Variants in ELK4 observed in about 807,000 individuals in gnomAD.
The protein encoded by ELK4 is ETS transcription factor ELK4, also known as ETS domain-containing protein Elk-4.
A neutral mutation model predicts 29.6 loss-of-function variants in ELK4; 16 were observed. That is an observed-to-expected ratio of 0.54 (90% CI 0.37 to 0.82). ELK4 has a LOEUF of 0.82. Among genes scored for constraint, ELK4 ranks in the 40% least tolerant of loss-of-function variants. The pLI, the probability that ELK4 is intolerant of heterozygous loss-of-function variation, is 0.00. For missense variants in ELK4, 465 were observed against 507.1 expected, an observed-to-expected ratio of 0.92 and a Z score of 0.80; for synonymous variants, 213 against 191.1, an observed-to-expected ratio of 1.11 and a Z score of -0.95.
rs1670190105 is a variant in ELK4 at position 205,613,811 on chromosome 1, C to G, written c.*2735G>C. On this transcript the variant is annotated 3_prime_UTR_variant, in exon 5 of 5. Transcript: ENST00000357992. ...ATCTGCTCCCCTTCCGTAACTTAGG[C>G]TACTGCTGCCCAACAGCATTCATCC... 1 of 210,646 alleles carries G rather than the reference C, an allele frequency of 4.7e-6. No homozygotes were observed. The highest frequency in any genetic ancestry group is 1.9e-4 in the South Asian group (1 of 5,314). 13.0% of individuals were successfully genotyped at this position (210,646 alleles called of 1,614,324 possible).
chr1:205,608,804 T>C lies in ELK4; in HGVS notation c.*7742A>G, dbSNP rs1277721820. 5.1e-6 allele frequency: 1 copy of C among 196,114 alleles called. No homozygotes were observed. Among genetic ancestry groups the C allele is most frequent in the East Asian group, 8.0e-5 (1 of 12,524 alleles). The allele number at this position is 196,114 out of a possible 1,614,324, so 12.1% of individuals were successfully genotyped here. The stretch of plus-strand genomic sequence containing the variant: ...AATAAGCAATGAAGTAACTGTCTTC[T>C]CAGTTGAGCTGACAGGTTTGAAGAA... On this transcript the variant is annotated 3_prime_UTR_variant, in exon 5 of 5. Coordinates refer to ENST00000357992, the MANE Select transcript of ELK4 (RefSeq NM_001973.4).
intron 1 of ELK4, chr1:205,625,672 G>C: frequency 1.2e-6 from 1 of 843,790 alleles, no homozygotes; most frequent in East Asian, 2.4e-5. Context: ...TTCTGCTGCT[G>C]CTGCTTCTTT....
chr1:205,620,754 C>G lies in ELK4; in HGVS notation c.292G>C (p.Val98Leu). ...TCACAGTCACCCTCAATCCTGCCCA[C>G]TGTCATTGGATCCATGTTCAAAATC... ...PEILNMDPMT[V>L]GRIEGDCESL... Residue 98 changes from valine to leucine, a missense_variant, in exon 3 of 5, where the codon GTG (valine) becomes CTG (leucine). This residue lies in a region of ELK4 where 385 missense variants were observed against 387.5 expected (regional missense o/e 0.99). Coordinates refer to ENST00000357992, the MANE Select transcript of ELK4 (RefSeq NM_001973.4). 1 of 1,614,068 alleles carries G rather than the reference C, an allele frequency of 6.2e-7. No homozygotes were observed. Among genetic ancestry groups the G allele is most frequent in the Non-Finnish European group, 8.5e-7 (1 of 1,180,024 alleles).
At chr1:205,625,681 T>TC (rs1313236450) in intron 1 of ELK4, 3 of 371,948 alleles carry the variant, frequency 8.1e-6, no homozygotes, top group African/African-American at 4.5e-5. Flanking sequence ...TGCTGCTTCT[T>TC]TTTTTTTTTT....
Position 205,631,776 on chromosome 1 carries a change from G to T in ELK4, c.-154C>A, listed in dbSNP as rs1397148158. 1 of 220,204 alleles carries T rather than the reference G, an allele frequency of 4.5e-6. No individual in the cohort carries two copies. The highest frequency in any genetic ancestry group is 4.8e-5 in the Admixed American group (1 of 20,960). The allele number at this position is 220,204 out of a possible 1,614,324, so 13.6% of individuals were successfully genotyped here. A position where few individuals can be genotyped will look rare whatever the true frequency, so the allele number is the denominator to read the frequency against. ...CGGCGGAGCCGTAGAAGGCGGCGGC[G>T]GCCAAGCCGAGCCCGCCGGGTGCCC... On this transcript the variant is annotated 5_prime_UTR_variant, in exon 1 of 5. Coordinates refer to ENST00000357992, the MANE Select transcript of ELK4 (RefSeq NM_001973.4).
At chr1:205,629,622 C>T (rs903349299) in intron 1 of ELK4, among the ~76,000 whole-genome samples, 1 of 151,912 alleles carries the variant, frequency 6.6e-6, no homozygotes, top group African/African-American at 2.4e-5. Context: ...GAGGCTGAGG[C>T]AGAAGAATCA....
intron 4 of ELK4, among the ~76,000 whole-genome samples, chr1:205,618,462 T>G (rs1246888391): frequency 6.6e-6 from 1 of 152,200 alleles, no homozygotes; most frequent in East Asian, 1.9e-4. Context: ...AATGAAACTT[T>G]GCTATATTTA....
In ELK4 at chr1:205,616,652, A is replaced by T; in HGVS notation, c.1198-8T>A. 6.2e-7 allele frequency: 1 copy of T among 1,610,120 alleles called. No individual in the cohort carries two copies. ...GTTCAGTACAGAAGGAAACTGAGAA[A>T]GAAAACAAAACACATTATCATCCTA... On this transcript the variant is annotated splice_polypyrimidine_tract_variant and splice_region_variant and intron_variant, in intron 4 of 4. Transcript: ENST00000357992.
At chr1:205,624,613 T>C (rs2102382735) in intron 1 of ELK4, among the ~76,000 whole-genome samples, 1 of 152,230 alleles carries the variant, frequency 6.6e-6, no homozygotes, top group Admixed American at 6.5e-5. Flanking sequence ...TGAAGAAAAA[T>C]ATTTTAATAT....
At position 205,613,661 on chromosome 1, in the gene ELK4, G is replaced by A. The variant is rs971892403; in HGVS notation, c.*2885C>T. On this transcript the variant is annotated 3_prime_UTR_variant, in exon 5 of 5. Transcript: ENST00000357992. ...TTGCAGCAAATGCTACAAATTCAGCGCTCCCCCCCACCCCCACCCCAGAGA... is the reference window on the plus strand; with the variant it reads ...TTGCAGCAAATGCTACAAATTCAGCACTCCCCCCCACCCCCACCCCAGAGA... 3 of 181,878 alleles carry A rather than the reference G, an allele frequency of 1.6e-5. No individual in the cohort carries two copies. Among genetic ancestry groups the A allele is most frequent in the Non-Finnish European group, 3.5e-5 (3 of 86,222 alleles). 11.3% of individuals were successfully genotyped at this position (181,878 alleles called of 1,614,324 possible).
In ELK4 at chr1:205,616,200, T is replaced by C. The variant is rs1558019673; in HGVS notation, c.*346A>G. On this transcript the variant is annotated 3_prime_UTR_variant, in exon 5 of 5. Transcript: ENST00000357992. ...TAGCCAGAAGGAGTAACTTTGTTCT[T>C]AATTGCTTTTGCAAAGCACAGTCAC... 3.8e-6 allele frequency: 1 copy of C among 265,334 alleles called. No individual in the cohort carries two copies. The highest frequency in any genetic ancestry group is 7.3e-6 in the Non-Finnish European group (1 of 136,548). 16.4% of individuals were successfully genotyped at this position (265,334 alleles called of 1,614,324 possible). A position where few individuals can be genotyped will look rare whatever the true frequency, so the allele number is the denominator to read the frequency against.
chr1:205,625,607 A>G, intron 1 of ELK4: 1 of 1,231,004 alleles, frequency 8.1e-7, no homozygotes, highest in Non-Finnish European at 1.2e-6. Flanking sequence ...AAGCTCGGAT[A>G]GGAGACCTGG....
chr1:205,627,389 G>A (rs1307424858), intron 1 of ELK4, among the ~76,000 whole-genome samples: 4 of 151,860 alleles, frequency 2.6e-5, no homozygotes, highest in Non-Finnish European at 1.5e-5. Context: ...GGCGCCTGTA[G>A]TCCCAGCTAC....
intron 1 of ELK4, among the ~76,000 whole-genome samples, chr1:205,629,613 A>G (rs1184913888): frequency 6.6e-6 from 1 of 152,132 alleles, no homozygotes; most frequent in East Asian, 1.9e-4. Context: ...GCTACTAGGG[A>G]GGCTGAGGCA....
chr1:205,610,383 A>G lies in ELK4; in HGVS notation c.*6163T>C, dbSNP rs760831118. 4.3e-5 allele frequency: 10 copies of G among 231,070 alleles called. No homozygotes were observed. The highest frequency in any genetic ancestry group is 7.7e-5 in the Non-Finnish European group (9 of 116,794). 14.3% of individuals were successfully genotyped at this position (231,070 alleles called of 1,614,324 possible). A position where few individuals can be genotyped will look rare whatever the true frequency, so the allele number is the denominator to read the frequency against. Reference sequence around the variant, plus strand: ...TAGGCCACAATACCAGCATTCCTCCACTACTGTATTCAATCCATGGTCGAA... The same window carrying G: ...TAGGCCACAATACCAGCATTCCTCCGCTACTGTATTCAATCCATGGTCGAA... On this transcript the variant is annotated 3_prime_UTR_variant, in exon 5 of 5. Transcript: ENST00000357992.
rs1670161972 is a variant in ELK4, at chr1:205,612,257, G to A, written c.*4289C>T. 4.9e-6 allele frequency: 1 copy of A among 205,212 alleles called. No individual in the cohort carries two copies. The highest frequency in any genetic ancestry group is 6.0e-5 in the Admixed American group (1 of 16,742). The allele number at this position is 205,212 out of a possible 1,614,324, so 12.7% of individuals were successfully genotyped here. A position where few individuals can be genotyped will look rare whatever the true frequency, so the allele number is the denominator to read the frequency against. On this transcript the variant is annotated 3_prime_UTR_variant, in exon 5 of 5. Transcript: ENST00000357992. ...TCTAGGATTTCTCCATATATCATAAGAGAGCATCATATATGTTTGGAGATT... is the reference window on the plus strand; with the variant it reads ...TCTAGGATTTCTCCATATATCATAAAAGAGCATCATATATGTTTGGAGATT...
intron 1 of ELK4, among the ~76,000 whole-genome samples, chr1:205,624,987 A>T (rs1015335973): frequency 6.6e-6 from 1 of 152,212 alleles, no homozygotes; most frequent in Non-Finnish European, 1.5e-5. Context: ...CCAAATCCGT[A>T]TAAGTGTGTC....
rs1252142395 is a variant in ELK4 at position 205,613,070 on chromosome 1, AT to A, written c.*3475del. The A allele has an allele frequency of 1.6e-4, 29 of 182,840 alleles. No homozygotes were observed. The highest frequency in any genetic ancestry group is 2.7e-4 in the Non-Finnish European group (24 of 87,994). The allele number at this position is 182,840 out of a possible 1,614,324, so 11.3% of individuals were successfully genotyped here. A position where few individuals can be genotyped will look rare whatever the true frequency, so the allele number is the denominator to read the frequency against. ...CAAAATCCAGATTGTTTGTGCATAC[AT>A]TTAAAAAAAAAAAAATCAATGGAAA... On this transcript the variant is annotated 3_prime_UTR_variant, in exon 5 of 5. Transcript: ENST00000357992.
At chr1:205,625,435 C>A in intron 1 of ELK4, 1 of 560,502 alleles carries the variant, frequency 1.8e-6, no homozygotes, top group East Asian at 3.1e-5. Flanking sequence ...CCTCCCGGCT[C>A]CCCCAGGTTC....
Sources: gnomAD v4.1 joint callset for allele counts (sites outside exome capture counted in the v4.1 genomes callset) on GRCh38, gnomAD v4.1.1 for gene constraint, gnomAD v4.1.1 regional missense constraint, MANE v1.5 for transcripts, NCBI Gene and HGNC (gene_info 2026-07-23, HGNC 2026-07-21) for gene names.